The following FRS2 variants were observed in gnomAD, a reference collection of about 807,000 sequenced individuals.
The protein encoded by FRS2 is fibroblast growth factor receptor substrate 2.
A neutral mutation model predicts 43.9 loss-of-function variants in FRS2; 8 were observed. The observed-to-expected ratio is 0.18, with a 90% CI of 0.11 to 0.33. The LOEUF (loss-of-function observed/expected upper bound fraction) is 0.33, where lower values mean the gene tolerates loss of function less well. Among genes scored for constraint, FRS2 ranks in the 10% least tolerant of loss-of-function variants. The probability of loss-of-function intolerance (pLI) is 1.00; values close to 1 mark genes in which losing one functional copy is unlikely to be tolerated. For missense variants in FRS2, 534 were observed against 627.6 expected (o/e 0.85, Z 1.59); for synonymous variants, 219 against 220.3 (o/e 0.99, Z 0.05).
intron 8 of FRS2, among the ~76,000 whole-genome samples, chr12:69,573,791 T>C (rs1441051957): frequency 6.6e-6 from 1 of 152,232 alleles, no homozygotes; most frequent in East Asian, 1.9e-4. Context: ...CGTTATTCTT[T>C]TATCAAATTA....
At chr12:69,527,657 C>T (rs548092042) in intron 1 of FRS2, among the ~76,000 whole-genome samples, 29 of 152,184 alleles carry the variant, frequency 1.9e-4, no homozygotes, top group South Asian at 1.2e-3. Context: ...TAGTAACCAC[C>T]GTGTGCTTTA....
chr12:69,526,870 C>A (rs1461163211), intron 1 of FRS2, among the ~76,000 whole-genome samples: 2 of 152,048 alleles, frequency 1.3e-5, no homozygotes, highest in Non-Finnish European at 2.9e-5. Context: ...ACTACAGGCG[C>A]GTGCCACCAC....
chr12:69,516,216 T>TTAC (rs1280517289), intron 1 of FRS2, among the ~76,000 whole-genome samples: 1 of 148,012 alleles, frequency 6.8e-6, no homozygotes, highest in Non-Finnish European at 1.5e-5. Context: ...ATTATTATTA[T>TTAC]TACTATTTTT....
rs765619140 is a variant in FRS2 at position 69,569,111 on chromosome 12, T to G, written c.66+15T>G. On this transcript the variant is annotated intron_variant, in intron 5 of 8. Coordinates refer to ENST00000549921, the MANE Select transcript of FRS2 (RefSeq NM_001278356.2). ...ACAAGTTTAAGGTCAGTAAAACTGG[T>G]TGAGTTATATATCTTACTGCCTAGT... The G allele has an allele frequency of 6.6e-7, 1 of 1,509,048 alleles. No homozygotes were observed. Among genetic ancestry groups the G allele is most frequent in the African/African-American group, 1.4e-5 (1 of 72,816 alleles). 93.5% of individuals were successfully genotyped at this position (1,509,048 alleles called of 1,614,324 possible). A position where few individuals can be genotyped will look rare whatever the true frequency, so the allele number is the denominator to read the frequency against.
chr12:69,554,093 C>T (rs1392713517), intron 3 of FRS2, among the ~76,000 whole-genome samples: 1 of 152,160 alleles, frequency 6.6e-6, no homozygotes, highest in Non-Finnish European at 1.5e-5. Flanking sequence ...TTCCCTTGGC[C>T]ACTGTGTTCT....
At chr12:69,563,827 T>C (rs759560353) in intron 4 of FRS2, among the ~76,000 whole-genome samples, 2 of 152,144 alleles carry the variant, frequency 1.3e-5, no homozygotes, top group Admixed American at 1.3e-4. Flanking sequence ...CCCACCCTTA[T>C]GTCTTTCCTC....
At chr12:69,518,446 G>A (rs936594449) in intron 1 of FRS2, among the ~76,000 whole-genome samples, 2 of 151,972 alleles carry the variant, frequency 1.3e-5, no homozygotes, top group African/African-American at 2.4e-5. Context: ...GGGGGCTCAC[G>A]CCTGTAATCC....
intron 4 of FRS2, among the ~76,000 whole-genome samples, chr12:69,563,148 G>C (rs1349423918): frequency 6.6e-6 from 1 of 152,146 alleles, no homozygotes; most frequent in Non-Finnish European, 1.5e-5. Context: ...CAATATTAAT[G>C]CATATTATTA....
chr12:69,518,562 T>A (rs994122956), intron 1 of FRS2, among the ~76,000 whole-genome samples: 1 of 151,844 alleles, frequency 6.6e-6, no homozygotes, highest in Non-Finnish European at 1.5e-5. Flanking sequence ...AGAAAAAATA[T>A]AATTAGCTGG....
chr12:69,573,954 A>T (rs1420113691), intron 8 of FRS2, 51 bp from the exon 9 acceptor site: 4 of 1,236,022 alleles, frequency 3.2e-6, no homozygotes, highest in Non-Finnish European at 3.4e-6. Context: ...GCTTTTTTTC[A>T]GTTTTGTTTT....
At chr12:69,542,327 A>G (rs561337582) in intron 3 of FRS2, among the ~76,000 whole-genome samples, 16 of 152,344 alleles carry the variant, frequency 1.1e-4, no homozygotes, top group African/African-American at 3.8e-4. Flanking sequence ...GTTCGTATCC[A>G]TAGGTTCCAC....
In FRS2 at chr12:69,479,694, A is replaced by G. The variant is rs150734054; in HGVS notation, c.-261+9164A>G. On this transcript the variant is annotated intron_variant, in intron 1 of 8. Transcript: ENST00000549921. Reference sequence around the variant, plus strand: ...TACAGGTGCAAGCCACTGTGCCTGGACTAATCTGTTGTTTCTTTATGGCTA... The same window carrying G: ...TACAGGTGCAAGCCACTGTGCCTGGGCTAATCTGTTGTTTCTTTATGGCTA... Among the ~76,000 whole-genome samples, 180 of 151,988 alleles carry G rather than the reference A, an allele frequency of 1.2e-3. 1 individual carries two copies. Among genetic ancestry groups the G allele is most frequent in the African/African-American group, 4.0e-3 (167 of 41,498 alleles).
intron 3 of FRS2, among the ~76,000 whole-genome samples, chr12:69,538,199 A>ATATATATATATATATATATATT (rs1565757310): frequency 1.9e-5 from 1 of 51,354 alleles, no homozygotes; most frequent in African/African-American, 5.1e-5. Context: ...AACAAATTTT[A>ATATATATATATATATATATATT]TATATATATA....
intron 3 of FRS2, among the ~76,000 whole-genome samples, chr12:69,557,617 T>TGTGTGC (rs1879484835): frequency 8.5e-6 from 1 of 117,040 alleles, no homozygotes. Context: ...TGTGTGTGTG[T>TGTGTGC]GTGCGCGCGC....
intron 6 of FRS2, 82 bp from the exon 7 acceptor site, chr12:69,571,194 C>A: frequency 1.2e-6 from 1 of 831,700 alleles, no homozygotes. Context: ...GCTTACTTTA[C>A]AATTCTGCTG....
chr12:69,512,499 G>A (rs1874554363), intron 1 of FRS2, among the ~76,000 whole-genome samples: 1 of 152,126 alleles, frequency 6.6e-6, no homozygotes, highest in African/African-American at 2.4e-5. Context: ...AGAATCAAAT[G>A]CAGAAGAACT....
intron 3 of FRS2, among the ~76,000 whole-genome samples, chr12:69,548,612 A>G (rs926815097): frequency 6.6e-6 from 1 of 152,154 alleles, no homozygotes; most frequent in Non-Finnish European, 1.5e-5. Flanking sequence ...TGAAAACATC[A>G]GTAACAGCTG....
intron 3 of FRS2, among the ~76,000 whole-genome samples, chr12:69,557,619 T>TGTGTGTGTGTGCGCGCGCGC (rs1555192498): frequency 8.4e-6 from 1 of 118,966 alleles, no homozygotes; most frequent in Non-Finnish European, 1.9e-5. Context: ...TGTGTGTGTG[T>TGTGTGTGTGTGCGCGCGCGC]GCGCGCGCGC....
rs186463282 is a variant in FRS2, at chr12:69,499,860, T to C, written c.-261+29330T>C. On this transcript the variant is annotated intron_variant, in intron 1 of 8. Transcript: ENST00000549921. ...TGATGTGCTGGTATAGTATCCCAAG[T>C]TGGAATCTGGAGCTTAGTTGAGAAT... is the stretch of plus-strand genomic sequence containing the variant. 9.9e-5 allele frequency among the ~76,000 whole-genome samples: 15 copies of C among 152,128 alleles called. No homozygotes were observed. The South Asian group carries it at 1.0e-3, about 11-fold the overall frequency.
Sources: gnomAD v4.1 joint callset for allele counts (sites outside exome capture counted in the v4.1 genomes callset) on GRCh38, gnomAD v4.1.1 for gene constraint, MANE v1.5 for transcripts, NCBI Gene and HGNC (gene_info 2026-07-23, HGNC 2026-07-21) for gene names.